Variants in EPM2A observed in about 807,000 individuals in gnomAD.
EPM2A encodes laforin.
EPM2A carries 21 observed loss-of-function variants against 26.5 expected under a neutral mutation model. The observed-to-expected ratio is 0.79, with a 90% CI of 0.56 to 1.14. The LOEUF (loss-of-function observed/expected upper bound fraction) is 1.14, where lower values mean the gene tolerates loss of function less well. Ranked by LOEUF, EPM2A falls within the 50% of genes most tolerant of loss-of-function variation. The pLI is 0.00. For synonymous variants in EPM2A, 217 were observed against 177.6 expected (o/e 1.22, Z -1.76); for missense variants, 458 against 440.8 (o/e 1.04, Z -0.35).
intron 2 of EPM2A, among the ~76,000 whole-genome samples, chr6:145,605,828 A>G (rs1334413224): frequency 6.6e-6 from 1 of 152,170 alleles, no homozygotes; most frequent in Non-Finnish European, 1.5e-5. Flanking sequence ...TTTCAGACTC[A>G]GTAGAAATAA....
At chr6:145,661,903 G>C (rs911183618) in intron 2 of EPM2A, among the ~76,000 whole-genome samples, 1 of 152,006 alleles carries the variant, frequency 6.6e-6, no homozygotes, top group Non-Finnish European at 1.5e-5. Context: ...TCTGGGCTTT[G>C]CTTTCTTTGG....
rs149360118 is a variant in EPM2A, at chr6:145,442,047, T to C, written c.556-57950A>G. Among the ~76,000 whole-genome samples, 12 of 152,310 alleles carry C rather than the reference T, an allele frequency of 7.9e-5. No individual in the cohort carries two copies. In the East Asian group the frequency reaches 2.3e-3, roughly 29 times the overall value. On this transcript the variant is annotated intron_variant, in intron 4 of 4. Transcript: ENST00000638717. The stretch of plus-strand genomic sequence containing the variant: ...AATGCCACCAGTCTCTGCTAAAACA[T>C]AACAAGAGTCATCTTTGCTCTCGTT...
At chr6:145,487,086 G>A (rs576743698) in intron 4 of EPM2A, among the ~76,000 whole-genome samples, 5 of 152,188 alleles carry the variant, frequency 3.3e-5, no homozygotes, top group African/African-American at 9.6e-5. Flanking sequence ...AAGTGAGAAC[G>A]TTGTACTTGA....
At chr6:145,522,532 CT>C (rs1254142255) in intron 2 of EPM2A, among the ~76,000 whole-genome samples, 1 of 152,200 alleles carries the variant, frequency 6.6e-6, no homozygotes, top group South Asian at 2.1e-4. Flanking sequence ...GATTTAATCT[CT>C]TAAATCTATA....
intron 2 of EPM2A, among the ~76,000 whole-genome samples, chr6:145,575,415 T>C (rs1201206948): frequency 1.3e-5 from 2 of 152,186 alleles, no homozygotes; most frequent in South Asian, 2.1e-4. Flanking sequence ...GCCACTTGCA[T>C]GATAAGAGGT....
chr6:145,644,529 A>G (rs1289707418), intron 2 of EPM2A, among the ~76,000 whole-genome samples: 1 of 152,200 alleles, frequency 6.6e-6, no homozygotes, highest in Non-Finnish European at 1.5e-5. Context: ...CAAATAATTT[A>G]AATGGTTTAA....
At chr6:145,590,375 C>G (rs1422122623) in intron 2 of EPM2A, among the ~76,000 whole-genome samples, 1 of 151,842 alleles carries the variant, frequency 6.6e-6, no homozygotes, top group African/African-American at 2.4e-5. Context: ...GGGGAAAGGG[C>G]ACTTATTCTC....
At chr6:145,457,985 A>G (rs1001375520) in intron 4 of EPM2A, among the ~76,000 whole-genome samples, 3 of 152,228 alleles carry the variant, frequency 2.0e-5, no homozygotes, top group African/African-American at 7.2e-5. Flanking sequence ...CCTTTCATAT[A>G]AAATGAAATA....
At chr6:145,511,164 C>A (rs1490425650) in intron 2 of EPM2A, among the ~76,000 whole-genome samples, 1 of 147,750 alleles carries the variant, frequency 6.8e-6, no homozygotes, top group Non-Finnish European at 1.5e-5. Context: ...CAAATGGTTT[C>A]ACAGCTAAAT....
chr6:145,545,198 TG>T (rs11341930), intron 2 of EPM2A, among the ~76,000 whole-genome samples: 53,944 of 151,750 alleles, frequency 0.36, 10,033 homozygotes, highest in South Asian at 0.51. Flanking sequence ...AGAGCTGCAG[TG>T]AAATCTCAGT....
intron 2 of EPM2A, among the ~76,000 whole-genome samples, chr6:145,532,709 GT>G (rs1414640920): frequency 6.6e-6 from 1 of 152,128 alleles, no homozygotes; most frequent in Non-Finnish European, 1.5e-5. Flanking sequence ...TTCATCTGTT[GT>G]TGGGTCAGGG....
intron 4 of EPM2A, among the ~76,000 whole-genome samples, chr6:145,460,743 A>G (rs1187282237): frequency 6.6e-6 from 1 of 152,176 alleles, no homozygotes; most frequent in Non-Finnish European, 1.5e-5. Flanking sequence ...GTTAGGATAC[A>G]CTACTTGGGT....
intron 2 of EPM2A, among the ~76,000 whole-genome samples, chr6:145,531,317 C>T (rs560924776): frequency 5.9e-4 from 90 of 152,070 alleles, no homozygotes; most frequent in African/African-American, 2.1e-3. Flanking sequence ...AATATAAACC[C>T]CAAGGAAAAG....
intron 4 of EPM2A, among the ~76,000 whole-genome samples, chr6:145,394,450 A>G (rs1156659876): frequency 1.3e-5 from 2 of 152,140 alleles, no homozygotes; most frequent in African/African-American, 4.8e-5. Flanking sequence ...ATAGAGCCCA[A>G]CAAACCTCTA....
chr6:145,555,064 A>C (rs374198022), intron 2 of EPM2A, among the ~76,000 whole-genome samples: 12 of 152,164 alleles, frequency 7.9e-5, no homozygotes, highest in African/African-American at 2.9e-4. Context: ...TAGCCTAGCT[A>C]AGTTGACACA....
chr6:145,473,742 A>G (rs1391132893), intron 4 of EPM2A, among the ~76,000 whole-genome samples: 1 of 152,196 alleles, frequency 6.6e-6, no homozygotes, highest in East Asian at 1.9e-4. Flanking sequence ...CTTACAGGCC[A>G]GAAGAGAGTA....
chr6:145,630,660 A>G (rs1245750157), intron 3 of EPM2A: 1 of 152,194 alleles, frequency 6.6e-6, no homozygotes, highest in Non-Finnish European at 1.5e-5. Context: ...GTGCCCACTC[A>G]TCTCAGCCTG....
At chr6:145,577,514 G>T (rs1029454303) in intron 2 of EPM2A, among the ~76,000 whole-genome samples, 1 of 151,944 alleles carries the variant, frequency 6.6e-6, no homozygotes, top group Non-Finnish European at 1.5e-5. Context: ...AAATATATAT[G>T]CATTCAATGC....
intron 1 of EPM2A, among the ~76,000 whole-genome samples, chr6:145,711,229 T>C (rs1775301919): frequency 6.6e-6 from 1 of 152,208 alleles, no homozygotes; most frequent in African/African-American, 2.4e-5. Flanking sequence ...TTATAAAGTT[T>C]GTATTCCCTG....
Sources: gnomAD v4.1 joint callset for allele counts (sites outside exome capture counted in the v4.1 genomes callset) on GRCh38, gnomAD v4.1.1 for gene constraint, MANE v1.5 for transcripts, NCBI Gene and HGNC (gene_info 2026-07-23, HGNC 2026-07-21) for gene names.